ANKK1: variants seen among roughly 807,000 people sequenced by gnomAD.
The protein encoded by ANKK1 is ankyrin repeat and kinase domain containing 1.
Under a neutral mutation model 37.6 loss-of-function variants are expected in ANKK1, and 37 were observed. The ratio of observed to expected loss-of-function variants is 0.98; its 90% CI spans 0.76 to 1.29. The LOEUF is 1.29. Among genes scored for constraint, ANKK1 ranks in the 50% most tolerant of loss-of-function variants. The pLI, the probability that ANKK1 is intolerant of heterozygous loss-of-function variation, is 0.00. For missense variants in ANKK1, 1,019 were observed against 990.6 expected, an observed-to-expected ratio of 1.03 and a Z score of -0.39; for synonymous variants, 415 against 418.7, an observed-to-expected ratio of 0.99 and a Z score of 0.11.
chr11:113,397,374 C>T (rs1273647312), intron 6 of ANKK1, 32 bp downstream of exon 6: 3 of 1,573,208 alleles, frequency 1.9e-6, no homozygotes, highest in Admixed American at 3.4e-5. Flanking sequence ...TCCTTATGGT[C>T]ATGCTAAGCT....
rs1950690460 is a variant in ANKK1, at chr11:113,400,098, T to C, written c.2129T>C (p.Val710Ala). ...AAGGGCAACACAGCCATCCTCAAAG[T>C]GCTGGTCGAGGCAGGCGCCCAGCTG... Reference protein sequence around the residue: ...ALKGNTAILKVLVEAGAQLDV... With the variant: ...ALKGNTAILKALVEAGAQLDV... The change falls in exon 8 of 8, where the codon GTG (valine) becomes GCG (alanine). Residue 710 changes from valine (V) to alanine (A), a missense_variant. By Grantham distance (64) the Val-to-Ala change is moderately conservative (BLOSUM62 0). Coordinates refer to ENST00000303941, the MANE Select transcript of ANKK1 (RefSeq NM_178510.2). The C allele has an allele frequency of 1.2e-6, 2 of 1,613,240 alleles. No homozygotes were observed. The highest frequency in any genetic ancestry group is 1.7e-6 in the Non-Finnish European group (2 of 1,179,806).
intron 1 of ANKK1, among the ~76,000 whole-genome samples, chr11:113,392,960 G>C (rs774919977): frequency 1.3e-5 from 2 of 152,126 alleles, no homozygotes; most frequent in African/African-American, 4.8e-5. Context: ...GATAGTAAAA[G>C]GATATACTAA....
rs933133026 is a variant in ANKK1 at position 113,400,041 on chromosome 11, TG to T, written c.2075del (p.Gly692AlafsTer33). ...HHANVHARNK[V>X]GWTPAHLAAL... ...GCAAATGTCCACGCCCGCAACAAGG[TG>T]GGCTGGACACCCGCCCACCTGGCCG... On this transcript the variant is annotated frameshift_variant, in exon 8 of 8. Transcript: ENST00000303941. LOFTEE classifies it low-confidence loss of function (END_TRUNC). The T allele has an allele frequency of 1.9e-6, 3 of 1,613,018 alleles. No homozygotes were observed. The African/African-American group carries it at 4.0e-5, about 22-fold the overall frequency.
rs768518656 is a variant in ANKK1, at chr11:113,400,077, G to A, written c.2108G>A (p.Gly703Asp). Reference sequence around the variant, plus strand: ...CCCGCCCACCTGGCCGCCCTCAAGGGCAACACAGCCATCCTCAAAGTGCTG... The same window carrying A: ...CCCGCCCACCTGGCCGCCCTCAAGGACAACACAGCCATCCTCAAAGTGCTG... ...WTPAHLAALKGNTAILKVLVE... is the reference protein window; with the variant it reads ...WTPAHLAALKDNTAILKVLVE... The change falls in exon 8 of 8, where the codon GGC (glycine) becomes GAC (aspartate). Residue 703 changes from glycine to aspartate, a missense_variant. By Grantham distance (94) the Gly-to-Asp change is moderately conservative. Transcript: ENST00000303941. 4.3e-6 allele frequency: 7 copies of A among 1,613,482 alleles called. No homozygotes were observed. Among genetic ancestry groups the A allele is most frequent in the Non-Finnish European group, 5.9e-6 (7 of 1,179,816 alleles).
At position 113,387,988 on chromosome 11, in the gene ANKK1, A is replaced by C. The variant is rs1482437564; in HGVS notation, c.104A>C (p.Gln35Pro). The C allele has an allele frequency of 6.4e-7, 1 of 1,570,566 alleles. No individual in the cohort carries two copies. The highest frequency in any genetic ancestry group is 1.4e-5 in the African/African-American group (1 of 74,022). Residue 35 changes from glutamine to proline, a missense_variant, in exon 1 of 8, where the codon CAG (glutamine) becomes CCG (proline). Physicochemically the swap from Gln to Pro is moderately conservative, Grantham distance 76 (BLOSUM62 -1). Coordinates refer to ENST00000303941, the MANE Select transcript of ANKK1 (RefSeq NM_178510.2). ...CTAGTGGCCAGCGGCGGCTTCAGCC[A>C]GGTGTTCCAGGCGCGGCACAGGCGC... Reference protein sequence around the residue: ...WRLVASGGFSQVFQARHRRWR... With the variant: ...WRLVASGGFSPVFQARHRRWR...
rs1950559697 is a variant in ANKK1, at chr11:113,388,059, G to A, written c.175G>A (p.Asp59Asn). The A allele has an allele frequency of 2.0e-6, 3 of 1,507,040 alleles. No individual in the cohort carries two copies. In the East Asian group the frequency reaches 7.6e-5, roughly 38 times the overall value. 93.4% of individuals were successfully genotyped at this position (1,507,040 alleles called of 1,614,324 possible). A position where few individuals can be genotyped will look rare whatever the true frequency, so the allele number is the denominator to read the frequency against. The change falls in exon 1 of 8, where the codon GAC becomes AAC. Residue 59 changes from aspartate (D) to asparagine (N), a missense_variant. Asp to Asn is a conservative substitution (Grantham distance 23, BLOSUM62 1). Coordinates refer to ENST00000303941, the MANE Select transcript of ANKK1 (RefSeq NM_178510.2). ...CAAGTGCGCCCCCTGCCTTCCACCC[G>A]ACGCCGCCAGGTACTGCCAGCCTCG... ...AIKCAPCLPP[D>N]AASSDVNYLI...
chr11:113,399,641 C>T lies in ANKK1; in HGVS notation c.1672C>T (p.Gln558Ter), dbSNP rs1160769165. The T allele has an allele frequency of 3.1e-6, 5 of 1,605,828 alleles. No individual in the cohort carries two copies. In the East Asian group the frequency reaches 1.1e-4, roughly 36 times the overall value. Reference sequence around the variant, plus strand: ...TGGAGCGGTCCCTGATGCCCTTGACCAGAGCGGCTACGGCCCACTGCACAC... The same window carrying T: ...TGGAGCGGTCCCTGATGCCCTTGACTAGAGCGGCTACGGCCCACTGCACAC... Reference protein sequence around the residue: ...KSGAVPDALDQSGYGPLHTAA... With the variant: ...KSGAVPDALD The change falls in exon 8 of 8, where the codon CAG (glutamine) becomes TAG (stop). Residue 558 changes from glutamine (Q) to a stop codon, truncating the protein, a stop_gained. Coordinates refer to ENST00000303941, the MANE Select transcript of ANKK1 (RefSeq NM_178510.2). LOFTEE classifies it low-confidence loss of function (END_TRUNC).
chr11:113,399,386 T>C lies in ANKK1; in HGVS notation c.1417T>C (p.Phe473Leu). The C allele has an allele frequency of 6.2e-7, 1 of 1,601,050 alleles. No homozygotes were observed. Residue 473 changes from phenylalanine (F) to leucine (L), a missense_variant, in exon 8 of 8, where the codon TTT becomes CTT. Transcript: ENST00000303941. ...TPLHLAAQNN[F>L]ENVARLLVSR... ...TCTTCACCTGGCTGCACAGAATAAC[T>C]TTGAGAATGTGGCACGGCTTCTGGT...
chr11:113,394,252 G>C (rs1164409001), intron 2 of ANKK1, among the ~76,000 whole-genome samples: 2 of 152,102 alleles, frequency 1.3e-5, no homozygotes, highest in Non-Finnish European at 2.9e-5. Flanking sequence ...ATCTACTCCA[G>C]TAGGTCCCCA....
At chr11:113,392,664 G>T (rs1477753880) in intron 1 of ANKK1, among the ~76,000 whole-genome samples, 1 of 152,226 alleles carries the variant, frequency 6.6e-6, no homozygotes, top group Non-Finnish European at 1.5e-5. Context: ...GAGCAACAGG[G>T]TTTGCAAATG....
intron 7 of ANKK1, among the ~76,000 whole-genome samples, chr11:113,398,314 T>TAA (rs10585601): frequency 7.8e-5 from 10 of 128,186 alleles, no homozygotes; most frequent in South Asian, 2.5e-4. Context: ...CTCGGGAAAT[T>TAA]AAAAAAAAAA....
intron 5 of ANKK1, among the ~76,000 whole-genome samples, chr11:113,396,666 G>A (rs1163107085): frequency 6.6e-6 from 1 of 152,170 alleles, no homozygotes; most frequent in African/African-American, 2.4e-5. Context: ...GGCAGGATCT[G>A]CATCACGGGG....
chr11:113,396,125 G>A lies in ANKK1; in HGVS notation c.741G>A (p.Gln247=), dbSNP rs765724932. The change falls in exon 5 of 8, where the codon CAG becomes CAA. Residue 247 remains glutamine (Q), a synonymous_variant. Coordinates refer to ENST00000303941, the MANE Select transcript of ANKK1 (RefSeq NM_178510.2). ...CGGCAGGCATGCGGCCCTCCCTACAGCCTGTCTCTGACCAATGGCCAAGCG... is the reference window on the plus strand; with the variant it reads ...CGGCAGGCATGCGGCCCTCCCTACAACCTGTCTCTGACCAATGGCCAAGCG... ...RVAAGMRPSL[Q]PVSDQWPSEA... 1.4e-5 allele frequency: 23 copies of A among 1,613,878 alleles called. No homozygotes were observed. The Admixed American group carries it at 3.8e-4, about 27-fold the overall frequency.
In ANKK1 at chr11:113,395,014, G is replaced by A. The variant is rs753702547; in HGVS notation, c.566G>A (p.Ser189Asn). 5.6e-6 allele frequency: 9 copies of A among 1,613,394 alleles called. No individual in the cohort carries two copies. The East Asian group carries it at 1.6e-4, about 28-fold the overall frequency. Residue 189 changes from serine (S) to asparagine (N), a missense_variant, in exon 3 of 8, where the codon AGC (serine) becomes AAC (asparagine). Physicochemically the swap from Ser to Asn is conservative, Grantham distance 46 (BLOSUM62 1). Coordinates refer to ENST00000303941, the MANE Select transcript of ANKK1 (RefSeq NM_178510.2). ...IERSALRGML[S>N]YIPPEMFLES... ...AGGTCGGCTCTGCGGGGCATGCTCA[G>A]CTACATCCCCCCTGAGATGTTCCTG...
chr11:113,395,082 T>C lies in ANKK1; in HGVS notation c.632+2T>C. On this transcript the variant is annotated splice_donor_variant, in intron 3 of 7. Transcript: ENST00000303941. LOFTEE classifies it high-confidence loss of function. ...AGGACCTAAATATGATGTGTACAGG[T>C]GAGAAGGAGGCCTGGCGTGATGCCA... The C allele has an allele frequency of 6.3e-7, 1 of 1,598,968 alleles. No homozygotes were observed. Among genetic ancestry groups the C allele is most frequent in the Non-Finnish European group, 8.5e-7 (1 of 1,171,544 alleles).
At chr11:113,392,473 C>T (rs915087311) in intron 1 of ANKK1, among the ~76,000 whole-genome samples, 1 of 152,234 alleles carries the variant, frequency 6.6e-6, no homozygotes, top group Non-Finnish European at 1.5e-5. Context: ...GGCTCTCCAG[C>T]TGGCTTCCCA....
rs1240222785 is a variant in ANKK1 at position 113,393,644 on chromosome 11, TG to T, written c.351del (p.Trp117Ter). 6.2e-7 allele frequency: 1 copy of T among 1,613,984 alleles called. No individual in the cohort carries two copies. On this transcript the variant is annotated frameshift_variant, in exon 2 of 8. Transcript: ENST00000303941. LOFTEE classifies it high-confidence loss of function. The stretch of plus-strand genomic sequence containing the variant: ...GGTGCTGTCCACCCACAGCCTCTGC[TG>T]GAAGCTCAGGTTCCGCATCATCCAT... ...EKVLSTHSLC[W>X]KLRFRIIHET...
In ANKK1 at chr11:113,399,671, G is replaced by A; in HGVS notation, c.1702G>A (p.Ala568Thr). ...CGGCTACGGCCCACTGCACACTGCA[G>A]CTGCCAGGGGCAAATACCTGATCTG... ...QSGYGPLHTAAARGKYLICKM... is the reference protein window; with the variant it reads ...QSGYGPLHTATARGKYLICKM... Residue 568 changes from alanine to threonine, a missense_variant, in exon 8 of 8, where the codon GCT (alanine) becomes ACT (threonine). By Grantham distance (58) the Ala-to-Thr change is moderately conservative. Transcript: ENST00000303941. The A allele has an allele frequency of 1.9e-6, 3 of 1,599,020 alleles. No homozygotes were observed. The highest frequency in any genetic ancestry group is 2.6e-6 in the Non-Finnish European group (3 of 1,173,070).
chr11:113,395,231 G>T, intron 3 of ANKK1, 128 bp from the exon 4 acceptor site: 1 of 1,493,952 alleles, frequency 6.7e-7, no homozygotes, highest in Non-Finnish European at 9.1e-7. Context: ...AGAGGGCTGG[G>T]GAGTACTTTG....
Sources: allele counts gnomAD v4.1 joint callset (sites outside exome capture counted in the v4.1 genomes callset), GRCh38; gene constraint gnomAD v4.1.1; transcripts MANE v1.5; gene names NCBI Gene and HGNC (gene_info 2026-07-23, HGNC 2026-07-21).